Variants in C1orf105 observed in about 807,000 individuals in gnomAD.
C1orf105 encodes chromosome 1 open reading frame 105.
C1orf105 carries 17 observed loss-of-function variants against 20.8 expected under a neutral mutation model. The ratio of observed to expected loss-of-function variants is 0.82; its 90% CI spans 0.56 to 1.23. C1orf105 has a LOEUF of 1.23. Among genes scored for constraint, C1orf105 ranks in the 50% most tolerant of loss-of-function variants. C1orf105 has a pLI of 0.00. For synonymous variants in C1orf105, 72 were observed against 72.1 expected, an observed-to-expected ratio of 1.00 and a Z score of 0.01; for missense variants, 219 against 213.5, an observed-to-expected ratio of 1.03 and a Z score of -0.16.
intron 1 of C1orf105, among the ~76,000 whole-genome samples, chr1:172,434,375 T>G (rs966610205): frequency 8.5e-5 from 13 of 152,162 alleles, no homozygotes; most frequent in African/African-American, 2.9e-4. Flanking sequence ...TCAGCAAATG[T>G]AAAAGAACAG....
intron 2 of C1orf105, 142 bp downstream of exon 2, chr1:172,445,300 A>C: frequency 4.2e-6 from 3 of 708,080 alleles, no homozygotes; most frequent in Non-Finnish European, 6.9e-6. Context: ...AATAGAAATA[A>C]TCCGGGTTTC....
intron 3 of C1orf105, among the ~76,000 whole-genome samples, chr1:172,451,337 T>G (rs1193511727): frequency 6.6e-6 from 1 of 152,226 alleles, no homozygotes; most frequent in Non-Finnish European, 1.5e-5. Context: ...GAACACTATT[T>G]ATTTTGCTTT....
chr1:172,425,691 T>C (rs2071705135), intron 1 of C1orf105, among the ~76,000 whole-genome samples: 1 of 152,124 alleles, frequency 6.6e-6, no homozygotes, highest in Non-Finnish European at 1.5e-5. Context: ...TATTAGAAGT[T>C]TGCACTGTTC....
intron 3 of C1orf105, among the ~76,000 whole-genome samples, chr1:172,450,750 A>C (rs1410574866): frequency 6.6e-6 from 1 of 152,204 alleles, no homozygotes; most frequent in Non-Finnish European, 1.5e-5. Flanking sequence ...AGGCAGGTGC[A>C]CGTGTGCCTG....
At chr1:172,435,907 A>G (rs1335553644) in intron 1 of C1orf105, among the ~76,000 whole-genome samples, 1 of 152,264 alleles carries the variant, frequency 6.6e-6, no homozygotes, top group Non-Finnish European at 1.5e-5. Context: ...GTCTCAAGAT[A>G]CAAAATCAAT....
intron 4 of C1orf105, among the ~76,000 whole-genome samples, chr1:172,461,687 C>T (rs184559613): frequency 6.6e-6 from 1 of 152,262 alleles, no homozygotes; most frequent in African/African-American, 2.4e-5. Flanking sequence ...CTTAAACAGA[C>T]ATCGTGTTAG....
chr1:172,467,894 A>C lies in C1orf105; in HGVS notation c.407-555A>C, dbSNP rs113934722. The stretch of plus-strand genomic sequence containing the variant: ...TAATAAATCATTTTGAAGAAGAGAT[A>C]GGGTAAGGATTTTAAATAACCCTAA... On this transcript the variant is annotated intron_variant, in intron 6 of 6. Coordinates refer to ENST00000367727, the MANE Select transcript of C1orf105 (RefSeq NM_139240.4). 5.3e-3 allele frequency among the ~76,000 whole-genome samples: 811 copies of C among 152,354 alleles called. 9 individuals are homozygous for C. The highest frequency in any genetic ancestry group is 0.019 in the African/African-American group (777 of 41,578).
At chr1:172,439,303 G>T (rs1197424560) in intron 1 of C1orf105, among the ~76,000 whole-genome samples, 2 of 152,090 alleles carry the variant, frequency 1.3e-5, no homozygotes, top group Non-Finnish European at 2.9e-5. Flanking sequence ...ATACAATAAT[G>T]CAAAGTATTC....
chr1:172,442,217 C>G, intron 1 of C1orf105: 1 of 1,614,018 alleles, frequency 6.2e-7, no homozygotes, highest in Non-Finnish European at 8.5e-7. Context: ...GTCTTCAGCA[C>G]TGGTGAAAAC....
At chr1:172,429,828 G>C (rs2071821139) in intron 1 of C1orf105, among the ~76,000 whole-genome samples, 1 of 152,168 alleles carries the variant, frequency 6.6e-6, no homozygotes, top group African/African-American at 2.4e-5. Flanking sequence ...ACAAAATAAA[G>C]TGCACCTGTC....
At position 172,448,469 on chromosome 1, in the gene C1orf105, A is replaced by C; in HGVS notation, c.136A>C (p.Thr46Pro). 1 of 1,613,242 alleles carries C rather than the reference A, an allele frequency of 6.2e-7. No homozygotes were observed. Among genetic ancestry groups the C allele is most frequent in the Non-Finnish European group, 8.5e-7 (1 of 1,179,174 alleles). The change falls in exon 3 of 7, where the codon ACT (threonine) becomes CCT (proline). Residue 46 changes from threonine to proline, a missense_variant. Coordinates refer to ENST00000367727, the MANE Select transcript of C1orf105 (RefSeq NM_139240.4). ...RYPHTSATFLTSSKKNMNLPI... is the reference protein window; with the variant it reads ...RYPHTSATFLPSSKKNMNLPI... ...TCCTCATACCTCTGCGACTTTTCTG[A>C]CTTCATCCAAGAAGAATATGAATTT...
intron 6 of C1orf105, among the ~76,000 whole-genome samples, chr1:172,466,329 T>A (rs1226772979): frequency 6.6e-6 from 1 of 152,136 alleles, no homozygotes; most frequent in East Asian, 1.9e-4. Flanking sequence ...ATTGGCCTAG[T>A]TCATGGCTCT....
chr1:172,431,897 C>A (rs2071885805), intron 1 of C1orf105, among the ~76,000 whole-genome samples: 1 of 152,238 alleles, frequency 6.6e-6, no homozygotes, highest in Non-Finnish European at 1.5e-5. Context: ...AAACACTGTG[C>A]TTTTCCCAAG....
At chr1:172,426,504 G>A (rs140334382) in intron 1 of C1orf105, among the ~76,000 whole-genome samples, 1,569 of 151,410 alleles carry the variant, frequency 0.01, 13 homozygotes, top group South Asian at 0.021. Flanking sequence ...ATTTTCATAC[G>A]CTTCTTGGTA....
At chr1:172,453,493 CT>C (rs1648893048) in intron 3 of C1orf105, among the ~76,000 whole-genome samples, 1 of 152,168 alleles carries the variant, frequency 6.6e-6, no homozygotes, top group African/African-American at 2.4e-5. Context: ...CAATAGTGAT[CT>C]TCATTTATAT....
At chr1:172,435,642 C>T (rs2072018249) in intron 1 of C1orf105, among the ~76,000 whole-genome samples, 1 of 152,170 alleles carries the variant, frequency 6.6e-6, no homozygotes, top group East Asian at 1.9e-4. Context: ...CAATATCATA[C>T]TGAATGGGCA....
intron 6 of C1orf105, 26 bp downstream of exon 6, chr1:172,465,389 AGT>A: frequency 6.6e-7 from 1 of 1,511,452 alleles, no homozygotes; most frequent in Non-Finnish European, 9.2e-7. Flanking sequence ...GAGTACTTAT[AGT>A]GTGAAACACA....
intron 5 of C1orf105, among the ~76,000 whole-genome samples, chr1:172,464,322 C>T (rs1279819098): frequency 3.3e-5 from 5 of 152,134 alleles, no homozygotes; most frequent in African/African-American, 1.2e-4. Flanking sequence ...AGCAAACTGG[C>T]TTAACTCACT....
At chr1:172,433,252 A>C (rs186986848) in intron 1 of C1orf105, among the ~76,000 whole-genome samples, 72 of 152,322 alleles carry the variant, frequency 4.7e-4, no homozygotes, top group African/African-American at 1.6e-3. Context: ...AATACACAGA[A>C]CACCACAAAG....
Sources: allele counts gnomAD v4.1 joint callset (sites outside exome capture counted in the v4.1 genomes callset), GRCh38; gene constraint gnomAD v4.1.1; transcripts MANE v1.5; gene names NCBI Gene and HGNC (gene_info 2026-07-23, HGNC 2026-07-21).